TTLL5: variants seen among roughly 807,000 people sequenced by gnomAD.
The protein encoded by TTLL5 is tubulin polyglutamylase TTLL5.
Under a neutral mutation model 168.4 loss-of-function variants are expected in TTLL5, and 132 were observed. The ratio of observed to expected loss-of-function variants is 0.78; its 90% CI spans 0.68 to 0.91. The LOEUF is 0.91. Among genes scored for constraint, TTLL5 ranks in the 40% least tolerant of loss-of-function variants. The pLI, the probability that TTLL5 is intolerant of heterozygous loss-of-function variation, is 0.00. For synonymous variants in TTLL5, 546 were observed against 558.6 expected, an observed-to-expected ratio of 0.98 and a Z score of 0.32; for missense variants, 1,545 against 1,581.5, an observed-to-expected ratio of 0.98 and a Z score of 0.39.
intron 6 of TTLL5, 38 bp downstream of exon 6, chr14:75,690,360 C>T: frequency 6.4e-7 from 1 of 1,561,728 alleles, no homozygotes; most frequent in Non-Finnish European, 8.6e-7. Flanking sequence ...TCCCCAGCAA[C>T]TGAACCTGGG....
At chr14:75,882,169 A>T (rs1052032838) in intron 29 of TTLL5, among the ~76,000 whole-genome samples, 7 of 151,732 alleles carry the variant, frequency 4.6e-5, no homozygotes, top group South Asian at 2.1e-4. Context: ...TGTCGCAGGA[A>T]CCTCATCTTT....
intron 17 of TTLL5, among the ~76,000 whole-genome samples, chr14:75,751,011 A>G (rs767918372): frequency 6.6e-6 from 1 of 152,162 alleles, no homozygotes; most frequent in African/African-American, 2.4e-5. Context: ...GTATTCCTGA[A>G]TGTGTGTAAC....
chr14:75,825,069 T>G (rs1427553781), intron 28 of TTLL5, among the ~76,000 whole-genome samples: 3 of 152,220 alleles, frequency 2.0e-5, no homozygotes, highest in Non-Finnish European at 2.9e-5. Context: ...CATCTTTTTT[T>G]CAATGCACAT....
At chr14:75,907,142 AC>A (rs1321534141) in intron 31 of TTLL5, among the ~76,000 whole-genome samples, 1 of 152,208 alleles carries the variant, frequency 6.6e-6, no homozygotes, top group African/African-American at 2.4e-5. Flanking sequence ...CAGGGAGGGA[AC>A]AAATTTTTTT....
intron 28 of TTLL5, among the ~76,000 whole-genome samples, chr14:75,842,638 G>A (rs964055204): frequency 6.6e-6 from 1 of 151,872 alleles, no homozygotes; most frequent in Non-Finnish European, 1.5e-5. Flanking sequence ...AAAAGCTTAA[G>A]GAAAATATTA....
chr14:75,831,027 A>G lies in TTLL5; in HGVS notation c.3326+10866A>G, dbSNP rs116295568. 9.1e-3 allele frequency among the ~76,000 whole-genome samples: 1,379 copies of G among 152,348 alleles called. 29 individuals carry two copies. The highest frequency in any genetic ancestry group is 0.032 in the African/African-American group (1,321 of 41,574). On this transcript the variant is annotated intron_variant, in intron 28 of 31. Coordinates refer to ENST00000298832, the MANE Select transcript of TTLL5 (RefSeq NM_015072.5). ...TAAGTTTTAATTAAAATTAAATAAA[A>G]TGAAAATTTCAGTTTCTCAGTCATA... is the stretch of plus-strand genomic sequence containing the variant.
At chr14:75,773,096 A>T (rs759978449) in intron 21 of TTLL5, among the ~76,000 whole-genome samples, 2 of 152,200 alleles carry the variant, frequency 1.3e-5, no homozygotes, top group Non-Finnish European at 2.9e-5. Context: ...TACAAAAGGC[A>T]AGTCTTTATG....
Position 75,938,875 on chromosome 14 carries a change from C to T in TTLL5, c.3824-15549C>T, listed in dbSNP as rs141501131. Among the ~76,000 whole-genome samples, 460 of 152,272 alleles carry T rather than the reference C, an allele frequency of 3.0e-3. 5 individuals are homozygous for T. Among genetic ancestry groups the T allele is most frequent in the South Asian group, 4.1e-3 (20 of 4,822 alleles). On this transcript the variant is annotated intron_variant, in intron 31 of 31. Coordinates refer to ENST00000298832, the MANE Select transcript of TTLL5 (RefSeq NM_015072.5). ...GGAAACAATATACACTGGCCACTCTCGGCTTCCTGTGAACTAGTAAAGAGC... is the reference window on the plus strand; with the variant it reads ...GGAAACAATATACACTGGCCACTCTTGGCTTCCTGTGAACTAGTAAAGAGC...
chr14:75,707,860 G>A (rs111583072), intron 9 of TTLL5, among the ~76,000 whole-genome samples, 153 bp downstream of exon 9: 27 of 152,240 alleles, frequency 1.8e-4, no homozygotes, highest in African/African-American at 6.3e-4. Flanking sequence ...CAACTGCTGT[G>A]CTCTATAACA....
chr14:75,732,404 C>G lies in TTLL5; in HGVS notation c.1109C>G (p.Ser370Cys). The part of the protein sequence containing the change: ...LKPWLLEVNL[S>C]PSLACDAPLD... ...CCATGGTTGTTGGAAGTGAATCTCT[C>G]TCCTTCTTTGGCCTGGTAAGTCAGT... The change falls in exon 13 of 32, where the codon TCT becomes TGT. Residue 370 changes from serine (S) to cysteine (C), a missense_variant. Ser to Cys is a moderately radical substitution (Grantham distance 112, BLOSUM62 -1). Coordinates refer to ENST00000298832, the MANE Select transcript of TTLL5 (RefSeq NM_015072.5). 5.0e-6 allele frequency: 8 copies of G among 1,613,752 alleles called. No individual in the cohort carries two copies. Among genetic ancestry groups the G allele is most frequent in the Non-Finnish European group, 6.8e-6 (8 of 1,179,846 alleles).
At chr14:75,946,528 G>C (rs1311436034) in intron 31 of TTLL5, among the ~76,000 whole-genome samples, 1 of 152,344 alleles carries the variant, frequency 6.6e-6, no homozygotes, top group Non-Finnish European at 1.5e-5. Flanking sequence ...CAAAATGTGA[G>C]TTGACTCAAT....
At chr14:75,870,609 T>C (rs1420770683) in intron 29 of TTLL5, among the ~76,000 whole-genome samples, 4 of 152,212 alleles carry the variant, frequency 2.6e-5, no homozygotes, top group Non-Finnish European at 5.9e-5. Context: ...ATTCCTGTGT[T>C]ATTAATAATA....
At chr14:75,921,091 ATTTG>A (rs1460306627) in intron 31 of TTLL5, among the ~76,000 whole-genome samples, 1 of 151,936 alleles carries the variant, frequency 6.6e-6, no homozygotes, top group Non-Finnish European at 1.5e-5. Flanking sequence ...TTCCTTGTAA[ATTTG>A]TTTGTGTTCT....
At chr14:75,861,810 T>C (rs2030029522) in intron 28 of TTLL5, among the ~76,000 whole-genome samples, 1 of 152,350 alleles carries the variant, frequency 6.6e-6, no homozygotes, top group African/African-American at 2.4e-5. Context: ...GACAAGACTG[T>C]TCTCAAAAGA....
chr14:75,669,727 CAT>C (rs1290544199), intron 3 of TTLL5, among the ~76,000 whole-genome samples: 1 of 151,372 alleles, frequency 6.6e-6, no homozygotes, highest in Non-Finnish European at 1.5e-5. Flanking sequence ...ATATTGTGTA[CAT>C]GTGTTTTTTT....
chr14:75,747,864 A>G (rs1889706725), intron 17 of TTLL5, among the ~76,000 whole-genome samples: 1 of 152,210 alleles, frequency 6.6e-6, no homozygotes, highest in South Asian at 2.1e-4. Context: ...ATACCTAAGC[A>G]GATTTGTATT....
intron 5 of TTLL5, 26 bp from the exon 6 acceptor site, chr14:75,690,166 A>G: frequency 6.2e-7 from 1 of 1,612,750 alleles, no homozygotes; most frequent in Non-Finnish European, 8.5e-7. Flanking sequence ...AGTTTACTGA[A>G]TGGAAATACT....
chr14:75,887,647 G>A (rs112841358), intron 30 of TTLL5, among the ~76,000 whole-genome samples: 97 of 152,278 alleles, frequency 6.4e-4, no homozygotes, highest in African/African-American at 2.2e-3. Context: ...GAACTTATAT[G>A]ACCCGCTGTG....
chr14:75,717,999 A>C, intron 10 of TTLL5, 37 bp downstream of exon 10: 1 of 1,589,294 alleles, frequency 6.3e-7, no homozygotes, highest in East Asian at 2.2e-5. Context: ...CAGAGGTGTC[A>C]GTCTCAGATG....
Sources: allele counts gnomAD v4.1 joint callset (sites outside exome capture counted in the v4.1 genomes callset), GRCh38; gene constraint gnomAD v4.1.1; transcripts MANE v1.5; gene names NCBI Gene and HGNC (gene_info 2026-07-23, HGNC 2026-07-21).